The following SLCO3A1 variants were observed in gnomAD, a reference collection of about 807,000 sequenced individuals.
SLCO3A1 encodes solute carrier organic anion transporter family member 3A1.
SLCO3A1 carries 27 observed loss-of-function variants against 63.1 expected under a neutral mutation model. The ratio of observed to expected loss-of-function variants is 0.43; its 90% CI spans 0.32 to 0.59. The LOEUF (loss-of-function observed/expected upper bound fraction) is 0.59. Ranked by LOEUF, SLCO3A1 falls within the 20% of genes least tolerant of loss-of-function variation. The pLI, the probability that SLCO3A1 is intolerant of heterozygous loss-of-function variation, is 0.09. For synonymous variants in SLCO3A1, 473 were observed against 409.9 expected (o/e 1.15, Z -1.86); for missense variants, 773 against 945.8 (o/e 0.82, Z 2.40).
intron 4 of SLCO3A1, among the ~76,000 whole-genome samples, chr15:92,106,826 G>A (rs2047673217): frequency 6.6e-6 from 1 of 152,130 alleles, no homozygotes; most frequent in Non-Finnish European, 1.5e-5. Context: ...TCCTGGGCTG[G>A]GAGTCACGGG....
At chr15:92,161,229 G>C (rs1027451318) in intron 9 of SLCO3A1, among the ~76,000 whole-genome samples, 4 of 152,292 alleles carry the variant, frequency 2.6e-5, no homozygotes, top group Admixed American at 2.6e-4. Flanking sequence ...ATTTGCATTA[G>C]TGACTCATCT....
intron 2 of SLCO3A1, among the ~76,000 whole-genome samples, chr15:92,037,639 G>A (rs147051838): frequency 5.1e-4 from 78 of 152,292 alleles, no homozygotes; most frequent in African/African-American, 1.6e-3. Flanking sequence ...TTACTAAAAA[G>A]CATGCTTTCA....
chr15:91,941,639 T>C lies in SLCO3A1; in HGVS notation c.646+25181T>C. ...TGAAGCTTCTAATCTCCCATGGGTT[T>C]TGTACTTTTTCTTACTCGGGATGTT... On this transcript the variant is annotated intron_variant, in intron 2 of 9. Transcript: ENST00000318445. The surrounding 1 kb of genome is among the most constrained non-coding windows in gnomAD (Gnocchi z 4.4). 1 of 425,116 alleles carries C rather than the reference T, an allele frequency of 2.4e-6. No homozygotes were observed. Among genetic ancestry groups the C allele is most frequent in the South Asian group, 1.7e-5 (1 of 57,880 alleles). 26.3% of individuals were successfully genotyped at this position (425,116 alleles called of 1,614,324 possible). A position where few individuals can be genotyped will look rare whatever the true frequency, so the allele number is the denominator to read the frequency against.
chr15:91,855,551 T>C (rs1896895872), intron 1 of SLCO3A1, among the ~76,000 whole-genome samples: 1 of 152,230 alleles, frequency 6.6e-6, no homozygotes, highest in Non-Finnish European at 1.5e-5. Context: ...TTGTTTTCTG[T>C]TCTATAAAAT....
intron 2 of SLCO3A1, among the ~76,000 whole-genome samples, chr15:92,078,302 G>C (rs1268332167): frequency 6.6e-6 from 1 of 152,232 alleles, no homozygotes; most frequent in Admixed American, 6.5e-5. Context: ...TCTTGCCCTT[G>C]AGGCCTGGGC....
chr15:92,016,246 TAGA>T (rs1213795908), intron 2 of SLCO3A1, among the ~76,000 whole-genome samples: 65 of 52,870 alleles, frequency 1.2e-3, no homozygotes, highest in South Asian at 5.5e-3. Context: ...GATAGATAGA[TAGA>T]TAGATTAGAT....
At chr15:92,041,059 T>C (rs924162170) in intron 2 of SLCO3A1, among the ~76,000 whole-genome samples, 7 of 152,164 alleles carry the variant, frequency 4.6e-5, no homozygotes, top group Admixed American at 1.3e-4. Context: ...ATGGGGTTGT[T>C]TTGAGCATTA....
rs1213089047 is a variant in SLCO3A1 at position 91,941,554 on chromosome 15, GA to G, written c.646+25098del. On this transcript the variant is annotated intron_variant, in intron 2 of 9. Transcript: ENST00000318445. This position sits in a 1 kb window ranked among gnomAD's most constrained non-coding sequence, Gnocchi z 4.4. ...AGCCTCACTTTCTTGGCAATTAGATGAACCAGAGGTTTATTTCACTCAGTAA... is the reference window on the plus strand; with the variant it reads ...AGCCTCACTTTCTTGGCAATTAGATGACCAGAGGTTTATTTCACTCAGTAA... The G allele has an allele frequency of 4.4e-6, 2 of 455,874 alleles. No homozygotes were observed. Among genetic ancestry groups the G allele is most frequent in the Non-Finnish European group, 8.8e-6 (2 of 226,776 alleles). 28.2% of individuals were successfully genotyped at this position (455,874 alleles called of 1,614,324 possible).
intron 2 of SLCO3A1, among the ~76,000 whole-genome samples, chr15:92,035,581 C>T (rs1343089857): frequency 3.3e-5 from 5 of 151,712 alleles, no homozygotes; most frequent in Admixed American, 1.3e-4. Flanking sequence ...CCTGCCAGCC[C>T]TAGGGAGCTC....
intron 1 of SLCO3A1, among the ~76,000 whole-genome samples, chr15:91,881,803 T>C (rs1031807986): frequency 2.6e-5 from 4 of 152,196 alleles, no homozygotes; most frequent in East Asian, 1.9e-4. Flanking sequence ...GCCCAGACTT[T>C]AGGAGATGGT....
intron 4 of SLCO3A1, among the ~76,000 whole-genome samples, chr15:92,106,752 C>T (rs142841205): frequency 3.9e-5 from 6 of 152,204 alleles, no homozygotes; most frequent in African/African-American, 7.2e-5. Context: ...TTTTGAGAAC[C>T]GCAATAACAA....
rs563755618 is a variant in SLCO3A1 at position 91,960,410 on chromosome 15, A to G, written c.646+43952A>G. On this transcript the variant is annotated intron_variant, in intron 2 of 9. Coordinates refer to ENST00000318445, the MANE Select transcript of SLCO3A1 (RefSeq NM_013272.4). The stretch of plus-strand genomic sequence containing the variant: ...ATTGATGGACATTTGGGTTGTTACC[A>G]CTTTTTCACTGTGAAGAATAATTCT... Among the ~76,000 whole-genome samples, 39 of 152,252 alleles carry G rather than the reference A, an allele frequency of 2.6e-4. 1 individual carries two copies. In the East Asian group the frequency reaches 7.3e-3, roughly 29 times the overall value.
rs1355204855 is a variant in SLCO3A1, at chr15:92,165,240, G to A, written c.*2105G>A. On this transcript the variant is annotated 3_prime_UTR_variant, in exon 10 of 10. Coordinates refer to ENST00000318445, the MANE Select transcript of SLCO3A1 (RefSeq NM_013272.4). ...GAGACAGGCCTTTCAACTGCTTAGT[G>A]TTAGTATGTCCTTGCTTATGAAAAT... 5 of 985,262 alleles carry A rather than the reference G, an allele frequency of 5.1e-6. No individual in the cohort carries two copies. In the African/African-American group the frequency reaches 8.7e-5, roughly 17 times the overall value. 61.0% of individuals were successfully genotyped at this position (985,262 alleles called of 1,614,324 possible).
intron 7 of SLCO3A1, among the ~76,000 whole-genome samples, chr15:92,141,956 G>C (rs58654386): frequency 0.15 from 23,442 of 152,170 alleles, 2,540 homozygotes; most frequent in African/African-American, 0.3. Flanking sequence ...CCATGTGTGG[G>C]ACCACCCAGC....
intron 1 of SLCO3A1, among the ~76,000 whole-genome samples, chr15:91,890,470 C>T (rs965001551): frequency 1.2e-4 from 18 of 152,136 alleles, no homozygotes; most frequent in African/African-American, 4.3e-4. Context: ...CTGCCAGAGC[C>T]CTCCCAGTGG....
At chr15:91,997,293 T>A (rs2046202776) in intron 2 of SLCO3A1, among the ~76,000 whole-genome samples, 1 of 152,188 alleles carries the variant, frequency 6.6e-6, no homozygotes. Flanking sequence ...GGAATGCCTC[T>A]AACCGTGGAG....
chr15:92,021,723 G>A (rs1318177145), intron 2 of SLCO3A1, among the ~76,000 whole-genome samples: 1 of 152,156 alleles, frequency 6.6e-6, no homozygotes, highest in Non-Finnish European at 1.5e-5. Context: ...CTACCCTCAA[G>A]AAGCTTCCAC....
At chr15:92,097,436 C>T (rs2047552965) in intron 3 of SLCO3A1, among the ~76,000 whole-genome samples, 1 of 152,214 alleles carries the variant, frequency 6.6e-6, no homozygotes, top group Admixed American at 6.5e-5. Context: ...CTCCCAGTTC[C>T]CTCCATTTGC....
chr15:92,115,386 C>G (rs1353677161), intron 4 of SLCO3A1, among the ~76,000 whole-genome samples: 1 of 152,172 alleles, frequency 6.6e-6, no homozygotes, highest in African/African-American at 2.4e-5. Context: ...CACACAGATA[C>G]ATCTGCAGCA....
Sources: gnomAD v4.1 joint callset for allele counts (sites outside exome capture counted in the v4.1 genomes callset) on GRCh38, gnomAD v4.1.1 for gene constraint, Gnocchi (gnomAD v3.1) non-coding constraint, MANE v1.5 for transcripts, NCBI Gene and HGNC (gene_info 2026-07-23, HGNC 2026-07-21) for gene names.